Variants in PLSCR1 observed in about 807,000 individuals in gnomAD.
PLSCR1 encodes the protein PL scramblase 1.
PLSCR1 carries 17 observed loss-of-function variants against 37.8 expected under a neutral mutation model. That is an observed-to-expected ratio of 0.45 (90% CI 0.31 to 0.68). PLSCR1 has a LOEUF of 0.68. Ranked by LOEUF, PLSCR1 falls within the 30% of genes least tolerant of loss-of-function variation. The probability of loss-of-function intolerance (pLI) is 0.06; values close to 1 mark genes in which losing one functional copy is unlikely to be tolerated. For missense variants in PLSCR1, 347 were observed against 380.9 expected (o/e 0.91, Z 0.74); for synonymous variants, 116 against 125.9 (o/e 0.92, Z 0.53).
chr3:146,519,832 T>C (rs2043994930), intron 7 of PLSCR1, among the ~76,000 whole-genome samples: 1 of 152,142 alleles, frequency 6.6e-6, no homozygotes, highest in Non-Finnish European at 1.5e-5. Context: ...ACTTGGCCAA[T>C]GTAATATCAG....
chr3:146,520,236 C>A (rs914947224), intron 7 of PLSCR1: 3 of 151,916 alleles, frequency 2.0e-5, no homozygotes, highest in African/African-American at 7.3e-5. Context: ...TTTAAGGTAT[C>A]CATCAAGAAA....
chr3:146,528,970 T>C, intron 3 of PLSCR1, 139 bp from the exon 4 acceptor site: 1 of 640,950 alleles, frequency 1.6e-6, no homozygotes. Flanking sequence ...CGCTTTTCTC[T>C]TTCTGAGATT....
In PLSCR1 at chr3:146,521,609, CTCTTT is replaced by C. The variant is rs764505513; in HGVS notation, c.668_672del (p.Lys223ArgfsTer20). 1 of 1,613,990 alleles carries C rather than the reference CTCTTT, an allele frequency of 6.2e-7. No homozygotes were observed. The highest frequency in any genetic ancestry group is 1.3e-5 in the African/African-American group (1 of 75,034). Reference sequence around the variant, plus strand: ...GGACCACTTATTTTTAGTACATCCTCTCTTTTCTCATTTTGAATTGTAAACTTTGG... The same window carrying C: ...GGACCACTTATTTTTAGTACATCCTCTCTCATTTTGAATTGTAAACTTTGG... On this transcript the variant is annotated frameshift_variant, in exon 7 of 9. Coordinates refer to ENST00000342435, the MANE Select transcript of PLSCR1 (RefSeq NM_021105.3). LOFTEE classifies it high-confidence loss of function.
At position 146,515,953 on chromosome 3, in the gene PLSCR1, G is replaced by C; in HGVS notation, c.*92C>G. 1.3e-6 allele frequency: 1 copy of C among 743,352 alleles called. No homozygotes were observed. The highest frequency in any genetic ancestry group is 1.7e-5 in the South Asian group (1 of 57,236). The allele number at this position is 743,352 out of a possible 1,614,324, so 46.0% of individuals were successfully genotyped here. On this transcript the variant is annotated 3_prime_UTR_variant, in exon 9 of 9. Coordinates refer to ENST00000342435, the MANE Select transcript of PLSCR1 (RefSeq NM_021105.3). ...GCAAAAGTATACAACCAGAGCTACA[G>C]GCCTTACAGCTTAATTCATACAGGT... is the stretch of plus-strand genomic sequence containing the variant.
intron 7 of PLSCR1, among the ~76,000 whole-genome samples, chr3:146,518,969 A>C (rs991611597): frequency 6.6e-6 from 1 of 152,224 alleles, no homozygotes; most frequent in Non-Finnish European, 1.5e-5. Flanking sequence ...ATATAAATGC[A>C]AAATACTGAA....
At chr3:146,527,898 C>G (rs1173628357) in intron 4 of PLSCR1, 1 of 152,014 alleles carries the variant, frequency 6.6e-6, no homozygotes, top group African/African-American at 2.4e-5. Context: ...AAATGTTAAA[C>G]CTCTTATTGC....
chr3:146,534,657 C>T (rs891236939), intron 2 of PLSCR1, among the ~76,000 whole-genome samples: 16 of 151,954 alleles, frequency 1.1e-4, no homozygotes, highest in Admixed American at 4.6e-4. Context: ...GCAAAAAAAC[C>T]GCTCTCCTAC....
chr3:146,516,747 A>T (rs2043952159), intron 8 of PLSCR1: 1 of 269,456 alleles, frequency 3.7e-6, no homozygotes. Context: ...TTAAGGGGAG[A>T]CTAAAATCTC....
intron 1 of PLSCR1, chr3:146,540,838 A>G (rs1034622386): frequency 2.0e-5 from 3 of 152,196 alleles, no homozygotes; most frequent in Admixed American, 2.0e-4. Flanking sequence ...AGGAATTTCA[A>G]GTAGGCCAGG....
chr3:146,518,482 A>G (rs1045564814), intron 7 of PLSCR1, among the ~76,000 whole-genome samples: 25 of 152,200 alleles, frequency 1.6e-4, no homozygotes, highest in African/African-American at 5.8e-4. Flanking sequence ...GGTGAAATAA[A>G]CTAATACAAA....
chr3:146,532,633 C>G (rs1202509938), intron 3 of PLSCR1, among the ~76,000 whole-genome samples: 1 of 152,208 alleles, frequency 6.6e-6, no homozygotes, highest in African/African-American at 2.4e-5. Flanking sequence ...TTTGTTTACT[C>G]AGAGAAGAAA....
intron 7 of PLSCR1, among the ~76,000 whole-genome samples, chr3:146,519,151 A>C (rs893506509): frequency 1.3e-5 from 2 of 152,186 alleles, no homozygotes; most frequent in African/African-American, 4.8e-5. Flanking sequence ...GAGAAGTGAA[A>C]GAATTTGTTA....
intron 7 of PLSCR1, among the ~76,000 whole-genome samples, chr3:146,518,828 T>A (rs541175218): frequency 4.6e-5 from 7 of 152,170 alleles, no homozygotes; most frequent in Non-Finnish European, 8.8e-5. Context: ...AGAAAATCAC[T>A]ATAATAAAAT....
intron 1 of PLSCR1, chr3:146,540,840 T>C (rs923069163): frequency 1.3e-5 from 2 of 152,112 alleles, no homozygotes; most frequent in Non-Finnish European, 2.9e-5. Context: ...GAATTTCAAG[T>C]AGGCCAGGGG....
rs200440241 is a variant in PLSCR1, at chr3:146,517,018, G to A, written c.888C>T (p.Ala296=). The change falls in exon 8 of 9, where the codon GCC becomes GCT. Residue 296 remains alanine, a synonymous_variant. Coordinates refer to ENST00000342435, the MANE Select transcript of PLSCR1 (RefSeq NM_021105.3). ...AGAACAGACTTACAATGAGGAAACA[G>A]GCACCAATCATTACAGCTTTCATTT... ...DVKMKAVMIG[A]CFLIDFMFFE... is the part of the protein sequence containing the mutation. 42 of 1,589,982 alleles carry A rather than the reference G, an allele frequency of 2.6e-5. No individual in the cohort carries two copies. In the African/African-American group the frequency reaches 5.0e-4, roughly 19 times the overall value.
At chr3:146,525,550 A>G in intron 5 of PLSCR1, 55 bp downstream of exon 5, 1 of 889,676 alleles carries the variant, frequency 1.1e-6, no homozygotes, top group African/African-American at 1.6e-5. Flanking sequence ...ATGTGCCTTT[A>G]TCTGCATAAA....
chr3:146,516,222 T>G, intron 8 of PLSCR1, 121 bp from the exon 9 acceptor site: 1 of 560,424 alleles, frequency 1.8e-6, no homozygotes, highest in Non-Finnish European at 3.1e-6. Context: ...AAAAATTAAA[T>G]GTAATAAGTA....
intron 5 of PLSCR1, among the ~76,000 whole-genome samples, chr3:146,522,791 G>C (rs1393307726): frequency 6.6e-6 from 1 of 151,906 alleles, no homozygotes; most frequent in Non-Finnish European, 1.5e-5. Context: ...GAACGTCTAG[G>C]TGTAAAGCCC....
At chr3:146,537,799 T>C (rs928112314) in intron 1 of PLSCR1, among the ~76,000 whole-genome samples, 2 of 152,086 alleles carry the variant, frequency 1.3e-5, no homozygotes, top group African/African-American at 4.8e-5. Context: ...GAGCCTGGAA[T>C]ATTGACGGTC....
Sources: allele counts gnomAD v4.1 joint callset (sites outside exome capture counted in the v4.1 genomes callset), GRCh38; gene constraint gnomAD v4.1.1; transcripts MANE v1.5; gene names NCBI Gene and HGNC (gene_info 2026-07-23, HGNC 2026-07-21).